The following RBM22 variants were observed in gnomAD, a reference collection of about 807,000 sequenced individuals.
The protein encoded by RBM22 is pre-mRNA-splicing factor RBM22.
Under a neutral mutation model 50.1 loss-of-function variants are expected in RBM22, and 1 was observed. That is an observed-to-expected ratio of 0.02 (90% CI 0.01 to 0.09). RBM22 has a LOEUF of 0.09. Ranked by LOEUF, RBM22 falls within the 10% of genes least tolerant of loss-of-function variation. The probability of loss-of-function intolerance (pLI) is 1.00; values close to 1 mark genes in which losing one functional copy is unlikely to be tolerated. For synonymous variants in RBM22, 152 were observed against 179.0 expected, an observed-to-expected ratio of 0.85 and a Z score of 1.20; for missense variants, 264 against 529.3, an observed-to-expected ratio of 0.50 and a Z score of 4.92.
At chr5:150,695,820 G>T (rs1318011609) in intron 6 of RBM22, 114 bp from the exon 7 acceptor site, 12 of 830,860 alleles carry the variant, frequency 1.4e-5, no homozygotes, top group Non-Finnish European at 2.2e-5. Flanking sequence ...AGTGCCTTTT[G>T]AACTAGAAAC....
intron 3 of RBM22, 62 bp downstream of exon 3, chr5:150,699,180 C>T (rs1486970097): frequency 6.5e-7 from 1 of 1,545,750 alleles, no homozygotes; most frequent in Non-Finnish European, 8.7e-7. Flanking sequence ...AAGCTGAAGG[C>T]TAATTTGGTA....
chr5:150,698,666 G>C, intron 3 of RBM22, 35 bp from the exon 4 acceptor site: 1 of 1,608,668 alleles, frequency 6.2e-7, no homozygotes, highest in Admixed American at 1.7e-5. Flanking sequence ...GAATGTCAAT[G>C]GTCCTGATCT....
At chr5:150,694,262 A>C in intron 7 of RBM22, 22 bp from the exon 8 acceptor site, 1 of 1,600,034 alleles carries the variant, frequency 6.2e-7, no homozygotes, top group South Asian at 1.1e-5. Flanking sequence ...CAGGCAGAGA[A>C]AAATGAAAGT....
At chr5:150,699,666 G>A (rs1759319983) in intron 2 of RBM22, among the ~76,000 whole-genome samples, 1 of 152,188 alleles carries the variant, frequency 6.6e-6, no homozygotes, top group South Asian at 2.1e-4. Flanking sequence ...AGGTAAGTGA[G>A]TGTCTTTCCA....
At chr5:150,695,790 G>C (rs1759268859) in intron 6 of RBM22, 84 bp from the exon 7 acceptor site, 1 of 1,142,012 alleles carries the variant, frequency 8.8e-7, no homozygotes, top group East Asian at 2.4e-5. Flanking sequence ...ACATATTAAA[G>C]TCCTAGATAC....
chr5:150,694,407 T>C, intron 7 of RBM22, 167 bp from the exon 8 acceptor site: 2 of 1,073,136 alleles, frequency 1.9e-6, no homozygotes, highest in Non-Finnish European at 1.3e-6. Context: ...CTACTGTGGG[T>C]GCTGCTGATT....
At chr5:150,693,057 G>C (rs747120578) in intron 9 of RBM22, 31 bp from the exon 10 acceptor site, 76 of 1,589,038 alleles carry the variant, frequency 4.8e-5, no homozygotes, top group Non-Finnish European at 6.2e-5. Context: ...AACACATAGA[G>C]GGGAGAACAA....
chr5:150,692,524 G>A (rs1759221429), intron 10 of RBM22, among the ~76,000 whole-genome samples: 1 of 152,054 alleles, frequency 6.6e-6, no homozygotes, highest in Admixed American at 6.5e-5. Flanking sequence ...ACAAGCTCCT[G>A]ATCTTGTGGC....
At position 150,694,248 on chromosome 5, in the gene RBM22, G is replaced by T; in HGVS notation, c.747-8C>A. 1 of 1,602,546 alleles carries T rather than the reference G, an allele frequency of 6.2e-7. No homozygotes were observed. The highest frequency in any genetic ancestry group is 8.5e-7 in the Non-Finnish European group (1 of 1,173,738). On this transcript the variant is annotated splice_region_variant and splice_polypyrimidine_tract_variant and intron_variant, in intron 7 of 10. Coordinates refer to ENST00000199814, the MANE Select transcript of RBM22 (RefSeq NM_018047.3). ...AACTGGTAGAAATGATTTCTGAAGG[G>T]AAACAGGCAGAGAAAAATGAAAGTG...
Position 150,695,579 on chromosome 5 carries a change from G to C in RBM22, c.673C>G (p.Pro225Ala). 6.2e-7 allele frequency: 1 copy of C among 1,613,856 alleles called. No individual in the cohort carries two copies. Among genetic ancestry groups the C allele is most frequent in the Non-Finnish European group, 8.5e-7 (1 of 1,179,932 alleles). The change falls in exon 7 of 11, where the codon CCA becomes GCA. Residue 225 changes from proline (P) to alanine (A), a missense_variant. Pro to Ala is a conservative substitution (Grantham distance 27). Coordinates refer to ENST00000199814, the MANE Select transcript of RBM22 (RefSeq NM_018047.3). ...KRASTMPRLD[P>A]PEDKTITTLY... ...GTGGTGATAGTTTTATCCTCTGGTG[G>C]GTCCAGCCGAGGCATTGTTGAAGCC...
At position 150,692,996 on chromosome 5, in the gene RBM22, T is replaced by G. The variant is rs375609655; in HGVS notation, c.1031A>C (p.Glu344Ala). 72 of 1,612,308 alleles carry G rather than the reference T, an allele frequency of 4.5e-5. 1 individual carries two copies. The highest frequency in any genetic ancestry group is 4.4e-5 in the South Asian group (4 of 90,840). The change falls in exon 10 of 11, where the codon GAA becomes GCA. Residue 344 changes from glutamate to alanine, a missense_variant. Glu to Ala is a moderately radical substitution (Grantham distance 107). Coordinates refer to ENST00000199814, the MANE Select transcript of RBM22 (RefSeq NM_018047.3). ...ALPPPPAAEE[E>A]ASANYFNLPP... ...CAAGTTGAAGTAGTTGGCAGAGGCTTCTTCTTCTGCTGCAGGAGGAGGAGG... is the reference window on the plus strand; with the variant it reads ...CAAGTTGAAGTAGTTGGCAGAGGCTGCTTCTTCTGCTGCAGGAGGAGGAGG...
intron 4 of RBM22, chr5:150,697,717 A>G: frequency 5.6e-6 from 2 of 359,230 alleles, no homozygotes; most frequent in Non-Finnish European, 5.3e-6. Context: ...AACATACATA[A>G]ACTCATATAT....
At chr5:150,694,026 T>C in intron 8 of RBM22, 50 bp downstream of exon 8, 2 of 1,584,946 alleles carry the variant, frequency 1.3e-6, no homozygotes, top group Non-Finnish European at 1.7e-6. Context: ...AATGAAATAG[T>C]TTCTTAAAAA....
chr5:150,692,867 C>T (rs1188647701), intron 10 of RBM22, 28 bp downstream of exon 10: 1 of 1,552,796 alleles, frequency 6.4e-7, no homozygotes, highest in African/African-American at 1.4e-5. Context: ...AAGGATTTCT[C>T]TGGGCTAAGA....
intron 7 of RBM22, 89 bp downstream of exon 7, chr5:150,695,417 T>C (rs1581546520): frequency 3.5e-6 from 4 of 1,128,156 alleles, no homozygotes; most frequent in Non-Finnish European, 5.1e-6. Context: ...ATGTATTTTG[T>C]ACAGAATGAT....
chr5:150,692,107 A>G lies in RBM22; in HGVS notation c.1133-226T>C, dbSNP rs117074825. On this transcript the variant is annotated intron_variant, in intron 10 of 10. Coordinates refer to ENST00000199814, the MANE Select transcript of RBM22 (RefSeq NM_018047.3). ...CACAGCACTCAAGGTATCGCCTAGT[A>G]TGTCATCTGAGTCTCTGCTATGTAT... Among the ~76,000 whole-genome samples, 488 of 152,308 alleles carry G rather than the reference A, an allele frequency of 3.2e-3. 17 individuals carry two copies. In the East Asian group the frequency reaches 0.083, roughly 26 times the overall value.
In RBM22 at chr5:150,693,168, G is replaced by C. The variant is rs755397053; in HGVS notation, c.1000+51C>G. 4 of 1,568,432 alleles carry C rather than the reference G, an allele frequency of 2.6e-6. No homozygotes were observed. The Admixed American group carries it at 5.3e-5, about 21-fold the overall frequency. Reference sequence around the variant, plus strand: ...ACCTGGGTCCCATCTTCCAAAATAGGAACATCAGGGCAGAAAGAGCTTCTG... The same window carrying C: ...ACCTGGGTCCCATCTTCCAAAATAGCAACATCAGGGCAGAAAGAGCTTCTG... On this transcript the variant is annotated intron_variant, in intron 9 of 10. Coordinates refer to ENST00000199814, the MANE Select transcript of RBM22 (RefSeq NM_018047.3).
chr5:150,691,945 C>T, intron 10 of RBM22, 64 bp from the exon 11 acceptor site: 1 of 1,408,936 alleles, frequency 7.1e-7, no homozygotes, highest in Non-Finnish European at 9.3e-7. Context: ...TCAAACCTCT[C>T]AATCTTGCTA....
chr5:150,695,802 T>C, intron 6 of RBM22, 96 bp from the exon 7 acceptor site: 6 of 980,858 alleles, frequency 6.1e-6, no homozygotes, highest in Non-Finnish European at 9.0e-6. Context: ...CCTAGATACA[T>C]ATTCTGAAGT....
Sources: allele counts gnomAD v4.1 joint callset (sites outside exome capture counted in the v4.1 genomes callset), GRCh38; gene constraint gnomAD v4.1.1; transcripts MANE v1.5; gene names NCBI Gene and HGNC (gene_info 2026-07-23, HGNC 2026-07-21).